The following ASB2 variants were observed in gnomAD, a reference collection of about 807,000 sequenced individuals.
ASB2 encodes ankyrin repeat and SOCS box containing 2.
ASB2 carries 58 observed loss-of-function variants against 62.4 expected under a neutral mutation model. The ratio of observed to expected loss-of-function variants is 0.93; its 90% CI spans 0.75 to 1.16. The LOEUF is 1.16. Ranked by LOEUF, ASB2 falls within the 50% of genes most tolerant of loss-of-function variation. ASB2 has a pLI of 0.00. For missense variants in ASB2, 928 were observed against 887.9 expected (o/e 1.05, Z -0.57); for synonymous variants, 386 against 385.3 (o/e 1.00, Z -0.02).
At chr14:93,962,072 G>A (rs1013483445) in intron 2 of ASB2, among the ~76,000 whole-genome samples, 1 of 148,056 alleles carries the variant, frequency 6.8e-6, no homozygotes, top group Non-Finnish European at 1.5e-5. Context: ...GGTGCTCAAT[G>A]TGCATTTGGG....
At chr14:93,968,316 C>T (rs564279366) in intron 1 of ASB2, 1 of 152,368 alleles carries the variant, frequency 6.6e-6, no homozygotes, top group South Asian at 2.1e-4. Flanking sequence ...AAGATTTTCA[C>T]TGAATTAACT....
At chr14:93,953,603 G>C in intron 4 of ASB2, 96 bp from the exon 5 acceptor site, 1 of 1,081,746 alleles carries the variant, frequency 9.2e-7, no homozygotes, top group Non-Finnish European at 1.3e-6. Context: ...CAAGAACAAT[G>C]TATGACATCC....
rs55666799 is a variant in ASB2 at position 93,947,995 on chromosome 14, GAAAAAAAAA to G, written c.881-484_881-476del. On this transcript the variant is annotated intron_variant, in intron 6 of 9. Coordinates refer to ENST00000555019, the MANE Select transcript of ASB2 (RefSeq NM_001202429.2). Reference sequence around the variant, plus strand: ...GGCAACAAGAGTGAAACTCCGCCTGGAAAAAAAAAAAAAAAAAAAAAAAGACCCAGGGGC... The same window carrying G: ...GGCAACAAGAGTGAAACTCCGCCTGGAAAAAAAAAAAAAAGACCCAGGGGC... Among the ~76,000 whole-genome samples, 50 of 72,494 alleles carry G rather than the reference GAAAAAAAAA, an allele frequency of 6.9e-4. 1 individual carries two copies. Among genetic ancestry groups the G allele is most frequent in the African/African-American group, 2.8e-3 (48 of 17,200 alleles). 47.6% of individuals were successfully genotyped at this position (72,494 alleles called of 152,430 possible).
intron 9 of ASB2, 79 bp downstream of exon 9, chr14:93,937,619 C>T (rs1888315882): frequency 2.8e-6 from 4 of 1,425,634 alleles, no homozygotes; most frequent in African/African-American, 1.4e-5. Context: ...GGGTTAGGAA[C>T]AGTCGCACTC....
Position 93,939,634 on chromosome 14 carries a change from C to T in ASB2, c.1091G>A (p.Arg364His), listed in dbSNP as rs867141360. Residue 364 changes from arginine (R) to histidine (H), a missense_variant, in exon 8 of 10, where the codon CGC (arginine) becomes CAC (histidine). Transcript: ENST00000555019. ...CGGACTGACGCCGCTACGGCGTATGCGCGTGCGGCTGGTCACCGGCAGCAG... is the reference window on the plus strand; with the variant it reads ...CGGACTGACGCCGCTACGGCGTATGTGCGTGCGGCTGGTCACCGGCAGCAG... ...QMLLPVTSRTRIRRSGVSPLH... is the reference protein window; with the variant it reads ...QMLLPVTSRTHIRRSGVSPLH... 4 of 1,524,848 alleles carry T rather than the reference C, an allele frequency of 2.6e-6. No individual in the cohort carries two copies. The highest frequency in any genetic ancestry group is 2.6e-6 in the Non-Finnish European group (3 of 1,144,154). The allele number at this position is 1,524,848 out of a possible 1,614,324, so 94.5% of individuals were successfully genotyped here.
chr14:93,951,113 T>G lies in ASB2; in HGVS notation c.766A>C (p.Ile256Leu), dbSNP rs994703681. ...VSRNDLEVMQ[I>L]LVSGGAKVES... The stretch of plus-strand genomic sequence containing the variant: ...ACCTTGGCTCCTCCGCTCACCAGGA[T>G]CTGCATGACCTCCAGGTCATTGCGA... Residue 256 changes from isoleucine to leucine, a missense_variant, in exon 6 of 10, where the codon ATC (isoleucine) becomes CTC (leucine). Transcript: ENST00000555019. The G allele has an allele frequency of 1.2e-6, 2 of 1,614,094 alleles. No homozygotes were observed. The highest frequency in any genetic ancestry group is 2.7e-5 in the African/African-American group (2 of 74,948).
chr14:93,974,900 C>T (rs920085810), intron 1 of ASB2, among the ~76,000 whole-genome samples: 1 of 152,248 alleles, frequency 6.6e-6, no homozygotes, highest in Non-Finnish European at 1.5e-5. Context: ...GTGGGTTAGA[C>T]AGTGTCCCCC....
rs1889518089 is a variant in ASB2, at chr14:93,964,450, C to A, written c.90G>T (p.Leu30=). The change falls in exon 2 of 10, where the codon CTG becomes CTT. Residue 30 remains leucine, a synonymous_variant. Transcript: ENST00000555019. ...GGCTCTGCTCGATGGCCATCTGCAC[C>A]AGTTCATCCTCGCTCAGGCTGCTGT... ...SLYSSLSEDE[L]VQMAIEQSLA... 1 of 1,536,018 alleles carries A rather than the reference C, an allele frequency of 6.5e-7. No individual in the cohort carries two copies. Among genetic ancestry groups the A allele is most frequent in the African/African-American group, 1.4e-5 (1 of 73,030 alleles).
intron 3 of ASB2, among the ~76,000 whole-genome samples, chr14:93,956,082 G>A (rs1256762625): frequency 1.3e-5 from 2 of 152,352 alleles, no homozygotes; most frequent in African/African-American, 2.4e-5. Context: ...ACTGAGTGAG[G>A]AAATGCAGTT....
At chr14:93,960,538 C>T (rs1889371600) in intron 2 of ASB2, among the ~76,000 whole-genome samples, 1 of 152,182 alleles carries the variant, frequency 6.6e-6, no homozygotes. Context: ...GAAGACCCAG[C>T]CTCCTGGACT....
chr14:93,942,647 T>C (rs1426095876), intron 7 of ASB2, among the ~76,000 whole-genome samples: 1 of 152,182 alleles, frequency 6.6e-6, no homozygotes, highest in Non-Finnish European at 1.5e-5. Flanking sequence ...AGCAGGGGAA[T>C]GGGCAGAGAG....
At chr14:93,951,766 C>T (rs1311378604) in intron 5 of ASB2, among the ~76,000 whole-genome samples, 1 of 152,230 alleles carries the variant, frequency 6.6e-6, no homozygotes, top group East Asian at 1.9e-4. Flanking sequence ...AAGAATCTTT[C>T]TAGATGAGGA....
At chr14:93,952,773 G>C (rs1889017629) in intron 5 of ASB2, among the ~76,000 whole-genome samples, 2 of 152,320 alleles carry the variant, frequency 1.3e-5, no homozygotes, top group South Asian at 2.1e-4. Context: ...ACGGTGCCTG[G>C]CACATACTAA....
intron 1 of ASB2, among the ~76,000 whole-genome samples, chr14:93,965,674 C>T (rs1889566904): frequency 6.6e-6 from 1 of 152,154 alleles, no homozygotes; most frequent in South Asian, 2.1e-4. Context: ...TAAAAAATAC[C>T]CCGAATACCA....
intron 1 of ASB2, 54 bp from the exon 2 acceptor site, chr14:93,964,666 AT>A: frequency 1.3e-6 from 1 of 799,184 alleles, no homozygotes; most frequent in Non-Finnish European, 2.1e-6. Flanking sequence ...GGATAGCTAT[AT>A]TTACCCTCAG....
At chr14:93,946,317 A>C (rs1294743222) in intron 7 of ASB2, among the ~76,000 whole-genome samples, 2 of 152,090 alleles carry the variant, frequency 1.3e-5, no homozygotes, top group African/African-American at 4.8e-5. Context: ...GATGAGTCAC[A>C]CTCTGGAAAT....
In ASB2 at chr14:93,939,565, G is replaced by A. The variant is rs758126247; in HGVS notation, c.1160C>T (p.Ala387Val). The change falls in exon 8 of 10, where the codon GCG (alanine) becomes GTG (valine). Residue 387 changes from alanine (A) to valine (V), a missense_variant. Transcript: ENST00000555019. ...AERNHDEVLE[A>V]LLSARFDVNT... ...CACGTCGAAGCGCGCGCTCAGCAGC[G>A]CCTCCAGCACCTCGTCGTGGTTGCG... 1.9e-6 allele frequency: 3 copies of A among 1,591,570 alleles called. No individual in the cohort carries two copies. The highest frequency in any genetic ancestry group is 1.7e-4 in the Middle Eastern group (1 of 5,980).
At chr14:93,966,440 T>G (rs1254747807) in intron 1 of ASB2, among the ~76,000 whole-genome samples, 1 of 152,236 alleles carries the variant, frequency 6.6e-6, no homozygotes, top group Non-Finnish European at 1.5e-5. Flanking sequence ...GAGAGAGTAG[T>G]GAACAAAATG....
At chr14:93,971,946 C>G (rs534347214) in intron 1 of ASB2, among the ~76,000 whole-genome samples, 1 of 149,780 alleles carries the variant, frequency 6.7e-6, no homozygotes, top group South Asian at 2.1e-4. Context: ...ACTACATACA[C>G]GCTACATGTA....
Sources: gnomAD v4.1 joint callset for allele counts (sites outside exome capture counted in the v4.1 genomes callset) on GRCh38, gnomAD v4.1.1 for gene constraint, MANE v1.5 for transcripts, NCBI Gene and HGNC (gene_info 2026-07-23, HGNC 2026-07-21) for gene names.